Variants in HCN1 observed in about 807,000 individuals in gnomAD.
HCN1 encodes potassium/sodium hyperpolarization-activated cyclic nucleotide-gated channel 1.
A neutral mutation model predicts 78.9 loss-of-function variants in HCN1; 13 were observed. The ratio of observed to expected loss-of-function variants is 0.16; its 90% CI spans 0.11 to 0.26. The LOEUF (loss-of-function observed/expected upper bound fraction) is 0.26. Ranked by LOEUF, HCN1 falls within the 10% of genes least tolerant of loss-of-function variation. The pLI is 1.00. For synonymous variants in HCN1, 552 were observed against 455.5 expected, an observed-to-expected ratio of 1.21 and a Z score of -2.70; for missense variants, 810 against 1,154.3, an observed-to-expected ratio of 0.70 and a Z score of 4.32.
At chr5:45,465,921 C>A (rs1741261955) in intron 2 of HCN1, among the ~76,000 whole-genome samples, 1 of 152,098 alleles carries the variant, frequency 6.6e-6, no homozygotes, top group African/African-American at 2.4e-5. Context: ...TCTCATTGAA[C>A]TTTTTTTATA....
At chr5:45,320,548 T>C (rs945810512) in intron 5 of HCN1, among the ~76,000 whole-genome samples, 3 of 151,872 alleles carry the variant, frequency 2.0e-5, no homozygotes, top group African/African-American at 7.2e-5. Context: ...GTAGATGTTA[T>C]ATAGTCTGCC....
At chr5:45,645,632 T>A in intron 1 of HCN1, 24 bp from the exon 2 acceptor site, 1 of 1,525,038 alleles carries the variant, frequency 6.6e-7, no homozygotes, top group Admixed American at 1.7e-5. Context: ...AAAAATCAGA[T>A]TTTAAGATAT....
chr5:45,596,135 T>C (rs1248610342), intron 2 of HCN1, among the ~76,000 whole-genome samples: 1 of 152,104 alleles, frequency 6.6e-6, no homozygotes, highest in Non-Finnish European at 1.5e-5. Context: ...CCTGACCTTG[T>C]GATCCACCCG....
chr5:45,344,332 A>G (rs1237588763), intron 5 of HCN1, among the ~76,000 whole-genome samples: 3 of 152,064 alleles, frequency 2.0e-5, no homozygotes, highest in African/African-American at 7.2e-5. Context: ...ACAGAGCCAA[A>G]CCATATCATT....
intron 5 of HCN1, among the ~76,000 whole-genome samples, chr5:45,345,987 G>T (rs1561116250): frequency 6.6e-6 from 1 of 152,188 alleles, no homozygotes; most frequent in Admixed American, 6.5e-5. Context: ...AGCATGGCTG[G>T]GGAGGCCTCA....
chr5:45,672,683 A>C (rs1473978182), intron 1 of HCN1, among the ~76,000 whole-genome samples: 1 of 151,482 alleles, frequency 6.6e-6, no homozygotes, highest in African/African-American at 2.4e-5. Context: ...GTCATAAAAA[A>C]TAAGAAAAAA....
At chr5:45,611,954 T>A (rs1579998711) in intron 2 of HCN1, among the ~76,000 whole-genome samples, 1 of 152,168 alleles carries the variant, frequency 6.6e-6, no homozygotes, top group Non-Finnish European at 1.5e-5. Flanking sequence ...GTGCATCTTA[T>A]AAATATGTAT....
At chr5:45,271,886 C>G (rs1457282296) in intron 6 of HCN1, among the ~76,000 whole-genome samples, 1 of 152,088 alleles carries the variant, frequency 6.6e-6, no homozygotes, top group Non-Finnish European at 1.5e-5. Flanking sequence ...CAACTCAAAA[C>G]TCATCAGCCA....
intron 6 of HCN1, among the ~76,000 whole-genome samples, chr5:45,279,209 T>G (rs1487388333): frequency 6.6e-6 from 1 of 152,154 alleles, no homozygotes; most frequent in African/African-American, 2.4e-5. Flanking sequence ...AAACTACATA[T>G]TATCTTTTAT....
chr5:45,266,889 A>G (rs1241107710), intron 7 of HCN1, among the ~76,000 whole-genome samples, 200 bp downstream of exon 7: 1 of 151,984 alleles, frequency 6.6e-6, no homozygotes, highest in Non-Finnish European at 1.5e-5. Context: ...TTGTATTTTT[A>G]GTAGAGACAG....
At chr5:45,660,191 G>T (rs1014442771) in intron 1 of HCN1, among the ~76,000 whole-genome samples, 3 of 122,974 alleles carry the variant, frequency 2.4e-5, no homozygotes, top group Admixed American at 8.2e-5. Context: ...GAATTTCATA[G>T]CCAGCCAAAC....
intron 2 of HCN1, among the ~76,000 whole-genome samples, chr5:45,635,318 C>G (rs961443808): frequency 1.3e-5 from 2 of 151,834 alleles, no homozygotes; most frequent in Admixed American, 1.3e-4. Flanking sequence ...ATTCTGAATT[C>G]CCCCATTCTC....
At chr5:45,507,887 C>T (rs971912012) in intron 2 of HCN1, among the ~76,000 whole-genome samples, 2 of 151,922 alleles carry the variant, frequency 1.3e-5, no homozygotes, top group Non-Finnish European at 2.9e-5. Flanking sequence ...TATTATAATT[C>T]CATGATAAAA....
In HCN1 at chr5:45,659,156, G is replaced by A. The variant is rs561368097; in HGVS notation, c.426-13548C>T. On this transcript the variant is annotated intron_variant, in intron 1 of 7. Coordinates refer to ENST00000303230, the MANE Select transcript of HCN1 (RefSeq NM_021072.4). ...AGTGGGTCCCTGACCCCTGACCCCC[G>A]AGCAGCCTAACTGGGAGGCACCCCC... Among the ~76,000 whole-genome samples, 558 of 150,428 alleles carry A rather than the reference G, an allele frequency of 3.7e-3. 2 individuals are homozygous for A. The highest frequency in any genetic ancestry group is 6.4e-3 in the Non-Finnish European group (428 of 67,124).
At chr5:45,435,853 T>C (rs1740552107) in intron 3 of HCN1, among the ~76,000 whole-genome samples, 1 of 152,160 alleles carries the variant, frequency 6.6e-6, no homozygotes, top group Non-Finnish European at 1.5e-5. Context: ...ATGACAGAAC[T>C]ATTCTCCTAT....
intron 5 of HCN1, among the ~76,000 whole-genome samples, chr5:45,312,694 A>G (rs1745878993): frequency 6.6e-6 from 1 of 152,214 alleles, no homozygotes; most frequent in African/African-American, 2.4e-5. Flanking sequence ...CAATGGTCTT[A>G]GCAAACGGCA....
intron 5 of HCN1, among the ~76,000 whole-genome samples, chr5:45,346,906 C>T (rs1746729907): frequency 6.6e-6 from 1 of 152,234 alleles, no homozygotes; most frequent in African/African-American, 2.4e-5. Context: ...GGAGGCCTGC[C>T]TGCCTCTGTA....
chr5:45,271,900 C>A (rs922882831), intron 6 of HCN1, among the ~76,000 whole-genome samples: 2 of 152,032 alleles, frequency 1.3e-5, no homozygotes, highest in African/African-American at 4.8e-5. Flanking sequence ...TCAGCCATTA[C>A]CTTGCTGCAT....
At chr5:45,587,563 G>C (rs929175771) in intron 2 of HCN1, among the ~76,000 whole-genome samples, 2 of 144,072 alleles carry the variant, frequency 1.4e-5, no homozygotes, top group African/African-American at 5.1e-5. Context: ...GTAGGGGGAG[G>C]GGGGAGGGAT....
Sources: gnomAD v4.1 joint callset for allele counts (sites outside exome capture counted in the v4.1 genomes callset) on GRCh38, gnomAD v4.1.1 for gene constraint, MANE v1.5 for transcripts, NCBI Gene and HGNC (gene_info 2026-07-23, HGNC 2026-07-21) for gene names.